Variants in LDLRAD4 observed in about 807,000 individuals in gnomAD.
LDLRAD4 encodes the protein low-density lipoprotein receptor class A domain-containing protein 4.
A neutral mutation model predicts 17.0 loss-of-function variants in LDLRAD4; 5 were observed. The ratio of observed to expected loss-of-function variants is 0.29; its 90% confidence interval spans 0.15 to 0.62. The LOEUF (loss-of-function observed/expected upper bound fraction) is 0.62. Ranked by LOEUF, LDLRAD4 falls within the 20% of genes least tolerant of loss-of-function variation. LDLRAD4 has a pLI of 0.84. For missense variants in LDLRAD4, 340 were observed against 424.7 expected (o/e 0.80, Z 1.75); for synonymous variants, 168 against 171.8 (o/e 0.98, Z 0.17).
intron 4 of LDLRAD4, among the ~76,000 whole-genome samples, chr18:13,633,117 G>A (rs1012298309): frequency 1.3e-5 from 2 of 152,260 alleles, no homozygotes; most frequent in Admixed American, 1.3e-4. Context: ...ATGCCAATAA[G>A]TGTCTAGCCG....
rs1434163588 is a variant in LDLRAD4, at chr18:13,300,103, C to T, written c.-383+21915C>T. Among the ~76,000 whole-genome samples, 48 of 152,166 alleles carry T rather than the reference C, an allele frequency of 3.2e-4. No individual in the cohort carries two copies. The highest frequency in any genetic ancestry group is 3.1e-3 in the Admixed American group (48 of 15,280). On this transcript the variant is annotated intron_variant, in intron 1 of 5. Transcript: ENST00000359446. This position sits in a 1 kb window ranked among gnomAD's most constrained non-coding sequence, Gnocchi z 4.2. ...CTGGTCACAGCCCATGTGGCTCTGCCCCATGCTTCACACATCTTGGTTCCT... is the reference window on the plus strand; with the variant it reads ...CTGGTCACAGCCCATGTGGCTCTGCTCCATGCTTCACACATCTTGGTTCCT...
intron 3 of LDLRAD4, among the ~76,000 whole-genome samples, chr18:13,607,910 G>A (rs2095240381): frequency 6.6e-6 from 1 of 152,092 alleles, no homozygotes. Context: ...AAACATACGT[G>A]TGCATGTGTC....
intron 3 of LDLRAD4, among the ~76,000 whole-genome samples, chr18:13,607,323 A>G (rs1230063999): frequency 2.0e-5 from 3 of 152,244 alleles, no homozygotes; most frequent in African/African-American, 7.2e-5. Context: ...AGAGATATAT[A>G]GTGCTTGAAA....
At chr18:13,517,631 C>T (rs2093887315) in intron 3 of LDLRAD4, among the ~76,000 whole-genome samples, 2 of 152,214 alleles carry the variant, frequency 1.3e-5, no homozygotes, top group Admixed American at 6.5e-5. Context: ...GGAAGGAGTG[C>T]AGTTTGCAGT....
At chr18:13,587,084 C>T (rs1298104790) in intron 3 of LDLRAD4, among the ~76,000 whole-genome samples, 1 of 152,078 alleles carries the variant, frequency 6.6e-6, no homozygotes, top group Non-Finnish European at 1.5e-5. Flanking sequence ...GAAACACCAC[C>T]GCTTCCTTGG....
At chr18:13,370,439 G>A (rs6505809) in intron 1 of LDLRAD4, among the ~76,000 whole-genome samples, 146,884 of 152,274 alleles carry the variant, frequency 0.96, 71,022 homozygotes, top group East Asian at 1. Context: ...TCTTAAAGAC[G>A]TTATTTAAAT....
intron 1 of LDLRAD4, among the ~76,000 whole-genome samples, chr18:13,386,982 A>G (rs2085889532): frequency 6.6e-6 from 1 of 152,090 alleles, no homozygotes; most frequent in Non-Finnish European, 1.5e-5. Flanking sequence ...GATAGATAGA[A>G]TCACTTTTAA....
At chr18:13,479,549 A>G (rs1027541468) in intron 3 of LDLRAD4, among the ~76,000 whole-genome samples, 2 of 152,244 alleles carry the variant, frequency 1.3e-5, no homozygotes, top group Non-Finnish European at 2.9e-5. Flanking sequence ...TGAACCCGGG[A>G]GGCGGAGGCT....
intron 3 of LDLRAD4, among the ~76,000 whole-genome samples, chr18:13,483,278 A>G (rs1600713538): frequency 6.6e-6 from 1 of 152,112 alleles, no homozygotes; most frequent in Admixed American, 6.5e-5. Flanking sequence ...CTCTGTAGTT[A>G]CTGAGTTTCT....
intron 1 of LDLRAD4, among the ~76,000 whole-genome samples, chr18:13,262,468 GGGGGCTGAGTCCCGTGCGGC>G (rs2043921718): frequency 7.9e-6 from 1 of 126,750 alleles, no homozygotes; most frequent in African/African-American, 3.2e-5. Flanking sequence ...CTCTGTGCGT[GGGGGCTGAGTCCCGTGCGGC>G]CCTGTGCGTG....
intron 2 of LDLRAD4, among the ~76,000 whole-genome samples, chr18:13,415,718 C>T (rs1421097547): frequency 6.6e-6 from 1 of 152,224 alleles, no homozygotes; most frequent in Non-Finnish European, 1.5e-5. Flanking sequence ...CCGCCATATC[C>T]ATCTTTCCCA....
At chr18:13,248,434 C>T (rs184292380) in intron 1 of LDLRAD4, among the ~76,000 whole-genome samples, 2 of 152,338 alleles carry the variant, frequency 1.3e-5, no homozygotes, top group East Asian at 1.9e-4. Flanking sequence ...GTTTCTGTGC[C>T]TGTGCAGGTT....
At chr18:13,532,543 T>A (rs1435758405) in intron 3 of LDLRAD4, among the ~76,000 whole-genome samples, 1 of 151,282 alleles carries the variant, frequency 6.6e-6, no homozygotes, top group African/African-American at 2.4e-5. Flanking sequence ...GGCGGAGGAG[T>A]GGGATAGCTT....
At chr18:13,368,237 C>A (rs543296125) in intron 1 of LDLRAD4, among the ~76,000 whole-genome samples, 1 of 151,916 alleles carries the variant, frequency 6.6e-6, no homozygotes, top group African/African-American at 2.4e-5. Flanking sequence ...TAGAGGGAGC[C>A]GACAAGAAGC....
intron 3 of LDLRAD4, among the ~76,000 whole-genome samples, chr18:13,445,147 A>C (rs1282663426): frequency 6.6e-6 from 1 of 152,178 alleles, no homozygotes; most frequent in African/African-American, 2.4e-5. Flanking sequence ...CTAAATATCC[A>C]TCTGCTGTGT....
At chr18:13,483,866 A>G (rs58402797) in intron 3 of LDLRAD4, among the ~76,000 whole-genome samples, 29,983 of 151,986 alleles carry the variant, frequency 0.2, 4,400 homozygotes, top group African/African-American at 0.41. Flanking sequence ...TCCTGGTCCT[A>G]TGAAGGTCTC....
chr18:13,413,298 G>C (rs12963113), intron 2 of LDLRAD4, among the ~76,000 whole-genome samples: 1 of 152,122 alleles, frequency 6.6e-6, no homozygotes, highest in Non-Finnish European at 1.5e-5. Context: ...ATCACTGTAC[G>C]TGTTCACTAC....
chr18:13,428,615 G>A (rs1454150750), intron 2 of LDLRAD4, among the ~76,000 whole-genome samples: 1 of 152,170 alleles, frequency 6.6e-6, no homozygotes, highest in Non-Finnish European at 1.5e-5. Context: ...GGAGCTAGGA[G>A]ATCACCATGG....
At chr18:13,431,322 A>G (rs564284031) in intron 2 of LDLRAD4, among the ~76,000 whole-genome samples, 2 of 152,328 alleles carry the variant, frequency 1.3e-5, no homozygotes, top group South Asian at 2.1e-4. Flanking sequence ...GTACTGTTCT[A>G]TGTAAGAAGT....
Sources: allele counts gnomAD v4.1 joint callset (sites outside exome capture counted in the v4.1 genomes callset), GRCh38; gene constraint gnomAD v4.1.1; non-coding constraint Gnocchi (gnomAD v3.1); transcripts MANE v1.5; gene names NCBI Gene and HGNC (gene_info 2026-07-23, HGNC 2026-07-21).